ACSM3: variants seen among roughly 807,000 people sequenced by gnomAD.
The protein encoded by ACSM3 is acyl-coenzyme A synthetase ACSM3, mitochondrial.
Under a neutral mutation model 74.1 loss-of-function variants are expected in ACSM3, and 61 were observed. That is an observed-to-expected ratio of 0.82 (90% confidence interval 0.67 to 1.02). The LOEUF is 1.02. ACSM3 is among the 50% of genes least tolerant of loss of function. The pLI, the probability that ACSM3 is intolerant of heterozygous loss-of-function variation, is 0.00. For synonymous variants in ACSM3, 213 were observed against 241.5 expected (o/e 0.88, Z 1.09); for missense variants, 660 against 697.0 (o/e 0.95, Z 0.60).
At chr16:20,792,513 G>T (rs1253671360) in intron 12 of ACSM3, 178 bp downstream of exon 12, 1 of 984,718 alleles carries the variant, frequency 1.0e-6, no homozygotes, top group Non-Finnish European at 1.2e-6. Flanking sequence ...ATGAGTTGCA[G>T]CTCTGATCCT....
intron 1 of ACSM3, chr16:20,738,682 A>C: frequency 1.8e-6 from 1 of 559,668 alleles, no homozygotes; most frequent in Admixed American, 3.3e-5. Context: ...TATACGAAGG[A>C]AGCAGCAAAG....
intron 1 of ACSM3, among the ~76,000 whole-genome samples, chr16:20,707,414 G>A (rs773805383): frequency 2.6e-5 from 4 of 152,186 alleles, no homozygotes; most frequent in African/African-American, 7.2e-5. Flanking sequence ...CTCACCCAGT[G>A]GTCCAGCAAG....
intron 1 of ACSM3, chr16:20,743,653 T>C (rs1028454266): frequency 2.0e-5 from 3 of 152,234 alleles, no homozygotes; most frequent in Non-Finnish European, 4.4e-5. Context: ...AAAAATTTTA[T>C]CATCTTATTG....
At chr16:20,796,652 A>T (rs2152493864) in intron 13 of ACSM3, 163 bp downstream of exon 13, 1 of 1,483,702 alleles carries the variant, frequency 6.7e-7, no homozygotes, top group East Asian at 2.5e-5. Flanking sequence ...GATTAAAATG[A>T]AACCCTGAAC....
rs1233585392 is a variant in ACSM3 at position 20,770,118 on chromosome 16, G to A, written c.84G>A (p.Leu28=). ...RLAIFGSVRA[L]HKDNRTATPQ... is the part of the protein sequence containing the mutation. ...CAATTTTTGGTTCTGTGAGGGCACTGCATAAAGATAATAGAACAGCAACCC... is the reference window on the plus strand; with the variant it reads ...CAATTTTTGGTTCTGTGAGGGCACTACATAAAGATAATAGAACAGCAACCC... Residue 28 remains leucine, a synonymous_variant, in exon 2 of 14, where the codon CTG becomes CTA. Transcript: ENST00000289416. 6.2e-7 allele frequency: 1 copy of A among 1,614,174 alleles called. No homozygotes were observed. The highest frequency in any genetic ancestry group is 1.3e-5 in the African/African-American group (1 of 75,042).
chr16:20,749,014 T>C (rs931786426), intron 1 of ACSM3, among the ~76,000 whole-genome samples: 1 of 152,050 alleles, frequency 6.6e-6, no homozygotes, highest in African/African-American at 2.4e-5. Context: ...TCGCACTCTA[T>C]GAGCCATTGC....
chr16:20,749,703 A>G (rs1292505077), intron 1 of ACSM3: 1 of 152,380 alleles, frequency 6.6e-6, no homozygotes, highest in African/African-American at 2.4e-5. Flanking sequence ...GTATATGTGC[A>G]TATCTGGTAC....
In ACSM3 at chr16:20,775,822, G is replaced by T; in HGVS notation, c.220-17G>T. ...TATAACAACCTTTAAATCAATGACTGGTTTTTCTTTCCTCAGGCTGGAAAG... is the reference window on the plus strand; with the variant it reads ...TATAACAACCTTTAAATCAATGACTTGTTTTTCTTTCCTCAGGCTGGAAAG... On this transcript the variant is annotated splice_polypyrimidine_tract_variant and intron_variant, in intron 2 of 13. Coordinates refer to ENST00000289416, the MANE Select transcript of ACSM3 (RefSeq NM_005622.4). 6.2e-7 allele frequency: 1 copy of T among 1,612,830 alleles called. No individual in the cohort carries two copies. Among genetic ancestry groups the T allele is most frequent in the Non-Finnish European group, 8.5e-7 (1 of 1,178,928 alleles).
upstream of ACSM3, among the ~76,000 whole-genome samples, chr16:20,761,509 G>T (rs911878482): frequency 2.0e-5 from 3 of 152,158 alleles, no homozygotes; most frequent in African/African-American, 7.2e-5. Context: ...ACCCAAGCTG[G>T]TGTCCACTGG....
At chr16:20,736,513 C>T in intron 1 of ACSM3, 1 of 196,614 alleles carries the variant, frequency 5.1e-6, no homozygotes, top group South Asian at 1.3e-4. Flanking sequence ...GACAGCTGAG[C>T]TGTGGCATGT....
intron 7 of ACSM3, among the ~76,000 whole-genome samples, chr16:20,782,936 T>C (rs2080384651): frequency 6.6e-6 from 1 of 152,222 alleles, no homozygotes; most frequent in Admixed American, 6.5e-5. Flanking sequence ...GGGGGTGCAC[T>C]ACCTTTCCGG....
chr16:20,741,495 C>CCCCGGG, intron 1 of ACSM3: 1 of 1,243,820 alleles, frequency 8.0e-7, no homozygotes, highest in South Asian at 1.5e-5. Context: ...GCCCGCCCAC[C>CCCCGGG]CCGGGACCGG....
chr16:20,796,322 A>T (rs2080722497), intron 12 of ACSM3, 48 bp from the exon 13 acceptor site: 2 of 1,594,950 alleles, frequency 1.3e-6, no homozygotes, highest in African/African-American at 2.7e-5. Flanking sequence ...ATACTAAAAC[A>T]TACAAATGCA....
chr16:20,758,157 G>C (rs1204457409), intron 3 of ACSM3, among the ~76,000 whole-genome samples: 7 of 152,212 alleles, frequency 4.6e-5, no homozygotes, highest in Non-Finnish European at 8.8e-5. Flanking sequence ...CATAAAATGA[G>C]TTAGGGAGGA....
chr16:20,784,802 T>C (rs1273245065), intron 7 of ACSM3, among the ~76,000 whole-genome samples, 182 bp from the exon 8 acceptor site: 1 of 152,180 alleles, frequency 6.6e-6, no homozygotes, highest in Admixed American at 6.5e-5. Flanking sequence ...TCTTTATTTT[T>C]AATTTGTGTA....
intron 1 of ACSM3, chr16:20,720,979 A>G (rs1429834420): frequency 6.6e-6 from 1 of 152,228 alleles, no homozygotes; most frequent in African/African-American, 2.4e-5. Context: ...CAAATTACCA[A>G]TAAGTTGTCC....
chr16:20,783,788 T>C (rs781164133), intron 7 of ACSM3, among the ~76,000 whole-genome samples: 23 of 149,698 alleles, frequency 1.5e-4, no homozygotes, highest in Non-Finnish European at 2.8e-4. Context: ...CACAAACTGA[T>C]ACACATGTGT....
At chr16:20,782,398 C>T (rs1020353829) in intron 7 of ACSM3, among the ~76,000 whole-genome samples, 15 of 152,130 alleles carry the variant, frequency 9.9e-5, no homozygotes, top group African/African-American at 3.6e-4. Context: ...CACCCACCTC[C>T]CACCCTTTCC....
At chr16:20,723,358 C>T (rs529173954) in intron 1 of ACSM3, among the ~76,000 whole-genome samples, 2 of 152,284 alleles carry the variant, frequency 1.3e-5, no homozygotes, top group South Asian at 4.2e-4. Flanking sequence ...GTGCATGTGT[C>T]TTTATAGCAG....
Sources: allele counts gnomAD v4.1 joint callset (sites outside exome capture counted in the v4.1 genomes callset), GRCh38; gene constraint gnomAD v4.1.1; transcripts MANE v1.5; gene names NCBI Gene and HGNC (gene_info 2026-07-23, HGNC 2026-07-21).